NBEAL1: variants seen among roughly 807,000 people sequenced by gnomAD.
NBEAL1 encodes neurobeachin like 1, also known as neurobeachin-like protein 1.
A neutral mutation model predicts 351.3 loss-of-function variants in NBEAL1; 273 were observed. That is an observed-to-expected ratio of 0.78 (90% CI 0.70 to 0.86). The LOEUF is 0.86. Ranked by LOEUF, NBEAL1 falls within the 40% of genes least tolerant of loss-of-function variation. The pLI is 0.00. For synonymous variants in NBEAL1, 1,050 were observed against 1,086.4 expected, an observed-to-expected ratio of 0.97 and a Z score of 0.66; for missense variants, 2,961 against 3,201.3, an observed-to-expected ratio of 0.92 and a Z score of 1.81.
intron 3 of NBEAL1, among the ~76,000 whole-genome samples, chr2:203,047,475 G>A (rs1287018412): frequency 1.3e-5 from 2 of 152,116 alleles, no homozygotes; most frequent in East Asian, 1.9e-4. Context: ...GGCCCCTTCA[G>A]TTGTGTTTCT....
chr2:203,019,126 T>C (rs1371321638), intron 2 of NBEAL1, among the ~76,000 whole-genome samples: 1 of 152,190 alleles, frequency 6.6e-6, no homozygotes, highest in Non-Finnish European at 1.5e-5. Context: ...CTCATTGAAT[T>C]CCCTTGATTT....
intron 2 of NBEAL1, among the ~76,000 whole-genome samples, chr2:203,029,033 T>G (rs1338886996): frequency 6.6e-6 from 1 of 152,184 alleles, no homozygotes; most frequent in Non-Finnish European, 1.5e-5. Context: ...CTGCTCAGGC[T>G]GGAGTGCAAT....
At chr2:203,064,983 C>T (rs2061557529) in intron 6 of NBEAL1, among the ~76,000 whole-genome samples, 1 of 152,158 alleles carries the variant, frequency 6.6e-6, no homozygotes, top group African/African-American at 2.4e-5. Context: ...TGGGGCCCTG[C>T]ACAGTGGCTC....
At position 203,126,098 on chromosome 2, in the gene NBEAL1, G is replaced by A. The variant is rs1227945996; in HGVS notation, c.2985+5G>A. Reference sequence around the variant, plus strand: ...CTTGGTGCTTTACTTCAGAAGGTGAGCCAGTCTAACATTGTGTTGATGTAG... The same window carrying A: ...CTTGGTGCTTTACTTCAGAAGGTGAACCAGTCTAACATTGTGTTGATGTAG... On this transcript the variant is annotated splice_donor_5th_base_variant and intron_variant, in intron 21 of 55. Transcript: ENST00000683969. 10 of 1,540,426 alleles carry A rather than the reference G, an allele frequency of 6.5e-6. No individual in the cohort carries two copies. Among genetic ancestry groups the A allele is most frequent in the Non-Finnish European group, 8.7e-6 (10 of 1,143,160 alleles).
chr2:203,208,506 T>C (rs2065674403), intron 51 of NBEAL1, 131 bp from the exon 52 acceptor site: 1 of 657,006 alleles, frequency 1.5e-6, no homozygotes, highest in South Asian at 1.8e-5. Flanking sequence ...AGTACTATTA[T>C]GAATAGACTC....
intron 10 of NBEAL1, among the ~76,000 whole-genome samples, chr2:203,086,455 G>A (rs1364949600): frequency 2.0e-5 from 3 of 152,094 alleles, no homozygotes; most frequent in Non-Finnish European, 4.4e-5. Context: ...CAGCTCTCTT[G>A]AGGAATTCCA....
intron 18 of NBEAL1, among the ~76,000 whole-genome samples, chr2:203,117,587 C>T (rs2062729140): frequency 6.6e-6 from 1 of 152,204 alleles, no homozygotes; most frequent in Non-Finnish European, 1.5e-5. Context: ...TTTTGTTTCT[C>T]CCAGTTCTTT....
At chr2:203,185,258 G>A (rs1466066954) in intron 44 of NBEAL1, among the ~76,000 whole-genome samples, 6 of 152,088 alleles carry the variant, frequency 3.9e-5, no homozygotes, top group Non-Finnish European at 8.8e-5. Context: ...ATTTTGTTAG[G>A]TTTTGGCATT....
intron 3 of NBEAL1, among the ~76,000 whole-genome samples, chr2:203,042,541 T>C (rs1204708783): frequency 3.3e-5 from 5 of 152,146 alleles, no homozygotes; most frequent in Admixed American, 2.6e-4. Flanking sequence ...GAAGTATAAG[T>C]GGTGGTGAGG....
Position 203,062,175 on chromosome 2 carries a change from A to G in NBEAL1, c.515+4722A>G, listed in dbSNP as rs2061509665. 4.7e-6 allele frequency: 2 copies of G among 429,510 alleles called. No individual in the cohort carries two copies. The highest frequency in any genetic ancestry group is 4.6e-6 in the Non-Finnish European group (1 of 217,248). 26.6% of individuals were successfully genotyped at this position (429,510 alleles called of 1,614,324 possible). A position where few individuals can be genotyped will look rare whatever the true frequency, so the allele number is the denominator to read the frequency against. Reference sequence around the variant, plus strand: ...GGCTGAAGGTTTCTCCACCTTGACTATTTTGTTTACCTTCACACAGTCTCT... The same window carrying G: ...GGCTGAAGGTTTCTCCACCTTGACTGTTTTGTTTACCTTCACACAGTCTCT... On this transcript the variant is annotated intron_variant, in intron 6 of 55. Coordinates refer to ENST00000683969, the MANE Select transcript of NBEAL1 (RefSeq NM_001378026.1). The surrounding 1 kb of genome is among the most constrained non-coding windows in gnomAD (Gnocchi z 4.2).
At chr2:203,020,500 G>A (rs1351186968) in intron 2 of NBEAL1, among the ~76,000 whole-genome samples, 1 of 151,854 alleles carries the variant, frequency 6.6e-6, no homozygotes, top group Non-Finnish European at 1.5e-5. Flanking sequence ...GTGAGACCCC[G>A]TCTCTACTAA....
chr2:203,202,800 G>A lies in NBEAL1; in HGVS notation c.7506+19G>A, dbSNP rs764273458. On this transcript the variant is annotated intron_variant, in intron 51 of 55. Transcript: ENST00000683969. ...ACAACAGGTAGTCACACATTTAAAT[G>A]TTCTTGAATTAGGTCAGAGATTCAC... 2.2e-5 allele frequency: 30 copies of A among 1,371,658 alleles called. No individual in the cohort carries two copies. In the Admixed American group the frequency reaches 4.5e-4, roughly 20 times the overall value. 85.0% of individuals were successfully genotyped at this position (1,371,658 alleles called of 1,614,324 possible).
intron 4 of NBEAL1, among the ~76,000 whole-genome samples, chr2:203,054,049 C>G: frequency 6.6e-6 from 1 of 152,122 alleles, no homozygotes; most frequent in East Asian, 1.9e-4. Context: ...CTCCCTGGCT[C>G]AAGTGATCCT....
At chr2:203,023,855 A>G (rs916426741) in intron 2 of NBEAL1, among the ~76,000 whole-genome samples, 2 of 152,184 alleles carry the variant, frequency 1.3e-5, no homozygotes, top group Admixed American at 6.6e-5. Flanking sequence ...AGAAGAAGGT[A>G]AAAGGAAGCC....
At chr2:203,061,956 A>G in intron 6 of NBEAL1, 1 of 280,874 alleles carries the variant, frequency 3.6e-6, no homozygotes, top group Non-Finnish European at 6.9e-6. Context: ...TGAGAGAATT[A>G]AAGGCTTTCC....
intron 39 of NBEAL1, 43 bp from the exon 40 acceptor site, chr2:203,171,885 T>G (rs1575079910): frequency 8.5e-7 from 1 of 1,181,614 alleles, no homozygotes; most frequent in East Asian, 2.4e-5. Flanking sequence ...CTAAGAGATG[T>G]AGATTTTTAA....
chr2:203,136,587 T>C lies in NBEAL1; in HGVS notation c.4390-12T>C, dbSNP rs1219223585. On this transcript the variant is annotated splice_polypyrimidine_tract_variant and intron_variant, in intron 28 of 55. Coordinates refer to ENST00000683969, the MANE Select transcript of NBEAL1 (RefSeq NM_001378026.1). ...CCTCTAGTTATTTAAAATTACTTTATATTTTCCATAGAGATGTGAGGAGGA... is the reference window on the plus strand; with the variant it reads ...CCTCTAGTTATTTAAAATTACTTTACATTTTCCATAGAGATGTGAGGAGGA... 6.3e-7 allele frequency: 1 copy of C among 1,583,540 alleles called. No individual in the cohort carries two copies. The highest frequency in any genetic ancestry group is 8.6e-7 in the Non-Finnish European group (1 of 1,158,304).
chr2:203,177,314 T>G (rs542596440), intron 42 of NBEAL1, among the ~76,000 whole-genome samples: 5 of 150,268 alleles, frequency 3.3e-5, no homozygotes, highest in Non-Finnish European at 5.9e-5. Flanking sequence ...GCACAAGGAT[T>G]GCTTGAGCCC....
At chr2:203,054,483 A>G (rs1574904277) in intron 4 of NBEAL1, among the ~76,000 whole-genome samples, 1 of 152,012 alleles carries the variant, frequency 6.6e-6, no homozygotes, top group East Asian at 1.9e-4. Flanking sequence ...TGCCCAGGCT[A>G]AGTCTCGAAT....
Sources: allele counts gnomAD v4.1 joint callset (sites outside exome capture counted in the v4.1 genomes callset), GRCh38; gene constraint gnomAD v4.1.1; non-coding constraint Gnocchi (gnomAD v3.1); transcripts MANE v1.5; gene names NCBI Gene and HGNC (gene_info 2026-07-23, HGNC 2026-07-21).